FZR1: variants seen among roughly 807,000 people sequenced by gnomAD.
FZR1 encodes the protein fizzy-related protein homolog.
Under a neutral mutation model 63.6 loss-of-function variants are expected in FZR1, and 11 were observed. The observed-to-expected ratio is 0.17, with a 90% CI of 0.11 to 0.29. The LOEUF is 0.29. Among genes scored for constraint, FZR1 ranks in the 10% least tolerant of loss-of-function variants. FZR1 has a pLI of 1.00. For synonymous variants in FZR1, 328 were observed against 297.9 expected (o/e 1.10, Z -1.04); for missense variants, 440 against 687.5 (o/e 0.64, Z 4.03).
intron 1 of FZR1, among the ~76,000 whole-genome samples, chr19:3,507,942 G>T (rs934152594): frequency 6.6e-6 from 1 of 152,254 alleles, no homozygotes; most frequent in Non-Finnish European, 1.5e-5. Context: ...GCGGAGTTGG[G>T]TTGCAGAGGG....
chr19:3,506,838 CT>C (rs1346057403), intron 1 of FZR1, among the ~76,000 whole-genome samples: 1 of 152,160 alleles, frequency 6.6e-6, no homozygotes, highest in African/African-American at 2.4e-5. Flanking sequence ...CTGCGCACCC[CT>C]AGAACAGCAG....
chr19:3,521,420 G>C (rs980424073), intron 1 of FZR1: 5 of 152,190 alleles, frequency 3.3e-5, no homozygotes, highest in Admixed American at 3.3e-4. Flanking sequence ...CAGAGTTTCA[G>C]TTTGGGAAGA....
intron 1 of FZR1, among the ~76,000 whole-genome samples, chr19:3,521,992 G>A (rs1053329636): frequency 7.9e-5 from 12 of 152,112 alleles, no homozygotes; most frequent in Non-Finnish European, 1.8e-4. Context: ...AAGTAGCTGG[G>A]ACCACAGGTG....
chr19:3,534,286 T>C, intron 12 of FZR1, 135 bp from the exon 13 acceptor site: 2 of 507,032 alleles, frequency 3.9e-6, no homozygotes, highest in South Asian at 3.0e-5. Context: ...GGCCCCAGCC[T>C]GCCCCTCCCT....
intron 13 of FZR1, 86 bp downstream of exon 13, chr19:3,534,599 C>A: frequency 1.0e-6 from 1 of 989,032 alleles, no homozygotes; most frequent in Non-Finnish European, 1.6e-6. Flanking sequence ...CGGGCGTACC[C>A]TCCTCTGGGT....
At chr19:3,527,527 G>A (rs2083172610) in intron 6 of FZR1, 104 bp from the exon 7 acceptor site, 18 of 865,702 alleles carry the variant, frequency 2.1e-5, no homozygotes, top group Middle Eastern at 3.3e-4. Context: ...TGGAGGGGCC[G>A]GACTGGGCTC....
Position 3,515,504 on chromosome 19 carries a change from C to T in FZR1, c.-34-7452C>T, listed in dbSNP as rs2083052436. 6.6e-6 allele frequency among the ~76,000 whole-genome samples: 1 copy of T among 152,114 alleles called. No individual in the cohort carries two copies. The highest frequency in any genetic ancestry group is 1.5e-5 in the Non-Finnish European group (1 of 68,020). On this transcript the variant is annotated intron_variant, in intron 1 of 13. Coordinates refer to ENST00000441788, the MANE Select transcript of FZR1 (RefSeq NM_016263.4). This position sits in a 1 kb window ranked among gnomAD's most constrained non-coding sequence, Gnocchi z 4.6. ...GAAGTACAGGCCGGGCGCGGTGGCT[C>T]ACGCTTGTAATCCCAGCACTTTGGG...
intron 7 of FZR1, among the ~76,000 whole-genome samples, chr19:3,528,629 G>A (rs1227751928): frequency 6.8e-6 from 1 of 146,886 alleles, no homozygotes; most frequent in Non-Finnish European, 1.5e-5. Context: ...GTGAATGAGT[G>A]GATGGGAGAG....
chr19:3,527,507 C>CCCTG, intron 6 of FZR1, 124 bp from the exon 7 acceptor site: 1 of 702,300 alleles, frequency 1.4e-6, no homozygotes, highest in Non-Finnish European at 2.4e-6. Context: ...CACATGGTGG[C>CCCTG]GGTGGTGATT....
At chr19:3,522,804 G>C (rs568140690) in intron 1 of FZR1, among the ~76,000 whole-genome samples, 152 bp from the exon 2 acceptor site, 4 of 152,274 alleles carry the variant, frequency 2.6e-5, no homozygotes, top group African/African-American at 7.2e-5. Flanking sequence ...CCTCACCTAG[G>C]ATGAGGCTAG....
At chr19:3,518,397 A>G (rs1239479757) in intron 1 of FZR1, among the ~76,000 whole-genome samples, 1 of 152,170 alleles carries the variant, frequency 6.6e-6, no homozygotes, top group African/African-American at 2.4e-5. Flanking sequence ...TTTGCATTAC[A>G]AAGTTTTTCC....
intron 1 of FZR1, among the ~76,000 whole-genome samples, chr19:3,522,282 T>C (rs1346356609): frequency 6.6e-6 from 1 of 152,172 alleles, no homozygotes; most frequent in Non-Finnish European, 1.5e-5. Context: ...CTCTGGAACG[T>C]TCTTTGCGGT....
chr19:3,526,357 T>A lies in FZR1; in HGVS notation c.358T>A (p.Ser120Thr). 1 of 1,597,862 alleles carries A rather than the reference T, an allele frequency of 6.3e-7. No homozygotes were observed. Among genetic ancestry groups the A allele is most frequent in the Non-Finnish European group, 8.5e-7 (1 of 1,173,468 alleles). The change falls in exon 5 of 14, where the codon TCC becomes ACC. Residue 120 changes from serine to threonine, a missense_variant. Ser to Thr is a moderately conservative substitution (Grantham distance 58). Coordinates refer to ENST00000441788, the MANE Select transcript of FZR1 (RefSeq NM_016263.4). This position sits in a 1 kb window ranked among gnomAD's most constrained non-coding sequence, Gnocchi z 5.4. ...PQTEDRRLQPSTPEKKGLFTY... is the reference protein window; with the variant it reads ...PQTEDRRLQPTTPEKKGLFTY... ...GACTGAGGACCGCAGGCTGCAGCCC[T>A]CCACGCCTGAGAAGAAGGGTCTGTT...
At chr19:3,509,669 G>A (rs1051190913) in intron 1 of FZR1, among the ~76,000 whole-genome samples, 4 of 152,162 alleles carry the variant, frequency 2.6e-5, no homozygotes, top group African/African-American at 9.7e-5. Flanking sequence ...GGCTGGGCCT[G>A]TCCCGGACAT....
In FZR1 at chr19:3,509,312, C is replaced by T. The variant is rs907548649; in HGVS notation, c.-35+2838C>T. On this transcript the variant is annotated intron_variant, in intron 1 of 13. Transcript: ENST00000441788. ...GGGGCACACAAGCAGCCTGCCTGGCCGCGCCTCATTCAGTCACTCAGCCGC... is the reference window on the plus strand; with the variant it reads ...GGGGCACACAAGCAGCCTGCCTGGCTGCGCCTCATTCAGTCACTCAGCCGC... Among the ~76,000 whole-genome samples, 23 of 152,320 alleles carry T rather than the reference C, an allele frequency of 1.5e-4. No homozygotes were observed. In the East Asian group the frequency reaches 1.7e-3, roughly 11 times the overall value.
In FZR1 at chr19:3,526,508, A is replaced by AC. The variant is rs1278447215; in HGVS notation, c.387+127dup. ...TTCTCGGGCCCAGCCACGGCTCAGC[A>AC]CCCCCGCCCTGACCCTGTTCCTTAG... On this transcript the variant is annotated intron_variant, in intron 5 of 13. Coordinates refer to ENST00000441788, the MANE Select transcript of FZR1 (RefSeq NM_016263.4). The surrounding 1 kb of genome is among the most constrained non-coding windows in gnomAD (Gnocchi z 5.4). The AC allele has an allele frequency of 1.4e-6, 1 of 722,732 alleles. No individual in the cohort carries two copies. Among genetic ancestry groups the AC allele is most frequent in the South Asian group, 1.7e-5 (1 of 58,298 alleles). The allele number at this position is 722,732 out of a possible 1,614,324, so 44.8% of individuals were successfully genotyped here.
chr19:3,510,475 T>C (rs920090713), intron 1 of FZR1, among the ~76,000 whole-genome samples: 4 of 152,234 alleles, frequency 2.6e-5, no homozygotes, highest in Non-Finnish European at 5.9e-5. Context: ...TTCAGATTCC[T>C]GTGCTGTTTT....
Position 3,525,428 on chromosome 19 carries a change from TTTTC to T in FZR1, c.70-436_70-433del, listed in dbSNP as rs2083144193. 1.6e-5 allele frequency among the ~76,000 whole-genome samples: 2 copies of T among 121,532 alleles called. No homozygotes were observed. Among genetic ancestry groups the T allele is most frequent in the Non-Finnish European group, 3.2e-5 (2 of 61,616 alleles). 79.7% of individuals were successfully genotyped at this position (121,532 alleles called of 152,430 possible). On this transcript the variant is annotated intron_variant, in intron 2 of 13. Coordinates refer to ENST00000441788, the MANE Select transcript of FZR1 (RefSeq NM_016263.4). The surrounding 1 kb of genome is among the most constrained non-coding windows in gnomAD (Gnocchi z 4.2). The stretch of plus-strand genomic sequence containing the variant: ...TGACTGTGTGGCTCCCCTCCTTGGG[TTTTC>T]TTTTTTTTTTTTTTTTTTTTTTTTT...
At position 3,517,444 on chromosome 19, in the gene FZR1, T is replaced by C. The variant is rs12978249; in HGVS notation, c.-34-5512T>C. Among the ~76,000 whole-genome samples, 1,510 of 152,186 alleles carry C rather than the reference T, an allele frequency of 9.9e-3. 6 individuals are homozygous for C. The highest frequency in any genetic ancestry group is 0.031 in the Middle Eastern group (9 of 294). On this transcript the variant is annotated intron_variant, in intron 1 of 13. Transcript: ENST00000441788. ...GCTCACACCTGTAATCCCAGCACTT[T>C]GGGAAGCTGAGGCGTGTGGATCACC...
Sources: gnomAD v4.1 joint callset for allele counts (sites outside exome capture counted in the v4.1 genomes callset) on GRCh38, gnomAD v4.1.1 for gene constraint, Gnocchi (gnomAD v3.1) non-coding constraint, MANE v1.5 for transcripts, NCBI Gene and HGNC (gene_info 2026-07-23, HGNC 2026-07-21) for gene names.